BANK1: variants seen among roughly 807,000 people sequenced by gnomAD.
The protein encoded by BANK1 is B cell scaffold protein with ankyrin repeats 1.
BANK1 carries 95 observed loss-of-function variants against 94.5 expected under a neutral mutation model. That is an observed-to-expected ratio of 1.00 (90% confidence interval 0.85 to 1.19). The LOEUF (loss-of-function observed/expected upper bound fraction) is 1.19. BANK1 is among the 50% of genes most tolerant of loss of function. BANK1 has a pLI of 0.00. For missense variants in BANK1, 987 were observed against 932.2 expected (o/e 1.06, Z -0.77); for synonymous variants, 334 against 308.4 (o/e 1.08, Z -0.87).
In BANK1 at chr4:101,915,209, A is replaced by G. The variant is rs947699317; in HGVS notation, c.1010-2784A>G. Among the ~76,000 whole-genome samples, 6 of 152,200 alleles carry G rather than the reference A, an allele frequency of 3.9e-5. No individual in the cohort carries two copies. In the South Asian group the frequency reaches 1.2e-3, roughly 32 times the overall value. Reference sequence around the variant, plus strand: ...GAGTAGATGTTATGGTCACCAATTGAATATTGAGAAAAATAAGATGCATAA... The same window carrying G: ...GAGTAGATGTTATGGTCACCAATTGGATATTGAGAAAAATAAGATGCATAA... On this transcript the variant is annotated intron_variant, in intron 6 of 16. Coordinates refer to ENST00000322953, the MANE Select transcript of BANK1 (RefSeq NM_017935.5).
chr4:102,071,113 T>A (rs1000849462), intron 13 of BANK1, among the ~76,000 whole-genome samples, 162 bp from the exon 14 acceptor site: 2 of 152,142 alleles, frequency 1.3e-5, no homozygotes, highest in Non-Finnish European at 2.9e-5. Flanking sequence ...TCACAGTGGC[T>A]GGAGGTAGAG....
rs1192490589 is a variant in BANK1 at position 102,045,028 on chromosome 4, T to A, written c.1969+1121T>A. On this transcript the variant is annotated intron_variant, in intron 11 of 16. Transcript: ENST00000322953. The stretch of plus-strand genomic sequence containing the variant: ...GTTTCTTTTGCTGTGCAGAAGCTCT[T>A]TAGTTTAATTAGATCCCATTTGTCA... 2.6e-5 allele frequency among the ~76,000 whole-genome samples: 4 copies of A among 151,352 alleles called. No individual in the cohort carries two copies. In the South Asian group the frequency reaches 8.4e-4, roughly 32 times the overall value.
At chr4:101,874,229 A>G (rs1304982720) in intron 5 of BANK1, among the ~76,000 whole-genome samples, 1 of 152,142 alleles carries the variant, frequency 6.6e-6, no homozygotes, top group Non-Finnish European at 1.5e-5. Flanking sequence ...TATTTGATAC[A>G]ATGTAAAGCC....
intron 7 of BANK1, among the ~76,000 whole-genome samples, chr4:101,981,579 T>G (rs1259457078): frequency 6.6e-6 from 1 of 152,134 alleles, no homozygotes; most frequent in East Asian, 1.9e-4. Flanking sequence ...CAAATAGGAT[T>G]TGGATATACT....
At chr4:102,044,304 A>T (rs2148956564) in intron 11 of BANK1, among the ~76,000 whole-genome samples, 1 of 152,222 alleles carries the variant, frequency 6.6e-6, no homozygotes, top group East Asian at 1.9e-4. Flanking sequence ...TTCTTGCGAC[A>T]GTTTACTGAG....
intron 7 of BANK1, among the ~76,000 whole-genome samples, chr4:102,004,055 C>T (rs1726167320): frequency 6.6e-6 from 1 of 151,896 alleles, no homozygotes; most frequent in Non-Finnish European, 1.5e-5. Context: ...ACTGCCTATT[C>T]CTTTTTTTTT....
chr4:102,042,615 T>C (rs1284062184), intron 10 of BANK1, among the ~76,000 whole-genome samples: 1 of 151,894 alleles, frequency 6.6e-6, no homozygotes, highest in East Asian at 1.9e-4. Context: ...CTTATATTGG[T>C]TTAAATAATA....
chr4:101,869,353 TA>T (rs1440825308), intron 4 of BANK1, among the ~76,000 whole-genome samples: 1 of 151,966 alleles, frequency 6.6e-6, no homozygotes, highest in East Asian at 1.9e-4. Flanking sequence ...AGATGTGCTT[TA>T]AAACTTTCAT....
intron 7 of BANK1, among the ~76,000 whole-genome samples, chr4:101,986,899 G>GTGTGTGTGTGTGTA (rs1343197093): frequency 0.016 from 1,350 of 82,488 alleles, 74 homozygotes; most frequent in Non-Finnish European, 0.02. Flanking sequence ...GTGTGTGTGT[G>GTGTGTGTGTGTGTA]TATATATATA....
intron 11 of BANK1, among the ~76,000 whole-genome samples, chr4:102,046,630 C>T (rs991078351): frequency 2.6e-5 from 4 of 152,064 alleles, no homozygotes; most frequent in Non-Finnish European, 5.9e-5. Context: ...AGACTGCATC[C>T]TTTTTAACTG....
At chr4:101,846,126 G>A (rs752026083) in intron 2 of BANK1, among the ~76,000 whole-genome samples, 5 of 151,904 alleles carry the variant, frequency 3.3e-5, no homozygotes, top group Non-Finnish European at 7.4e-5. Context: ...TTTGGCACAC[G>A]TATGTTTATT....
chr4:102,024,907 T>C (rs1727026928), intron 8 of BANK1, among the ~76,000 whole-genome samples: 1 of 152,190 alleles, frequency 6.6e-6, no homozygotes, highest in African/African-American at 2.4e-5. Flanking sequence ...CTATCAAATA[T>C]ATGAATTTGT....
chr4:101,839,936 AATTTTTTTTTTTT>A (rs1726968478), intron 2 of BANK1, among the ~76,000 whole-genome samples: 2 of 78,978 alleles, frequency 2.5e-5, no homozygotes, highest in South Asian at 3.9e-4. Context: ...TCAAATATTT[AATTTTTTTTTTTT>A]TTTTTTTTTT....
intron 2 of BANK1, among the ~76,000 whole-genome samples, chr4:101,843,150 A>G (rs185828161): frequency 6.6e-6 from 1 of 152,350 alleles, no homozygotes; most frequent in East Asian, 1.9e-4. Context: ...AGAATTTCAA[A>G]CAAAAAACAG....
chr4:101,975,114 A>C (rs533605423), intron 7 of BANK1, among the ~76,000 whole-genome samples: 7 of 152,172 alleles, frequency 4.6e-5, no homozygotes, highest in African/African-American at 1.4e-4. Flanking sequence ...CAGAGATGTC[A>C]GTGGAAAAAT....
intron 7 of BANK1, among the ~76,000 whole-genome samples, chr4:101,957,491 A>G (rs1724387424): frequency 6.6e-6 from 1 of 152,224 alleles, no homozygotes; most frequent in African/African-American, 2.4e-5. Flanking sequence ...GTTCTCGTCT[A>G]TGAGTCCACA....
chr4:101,982,609 CT>C (rs1272445532), intron 7 of BANK1, among the ~76,000 whole-genome samples: 21 of 152,046 alleles, frequency 1.4e-4, no homozygotes, highest in African/African-American at 4.6e-4. Flanking sequence ...AAAGTACTTA[CT>C]ATAGTACTTA....
intron 1 of BANK1, among the ~76,000 whole-genome samples, chr4:101,792,157 C>T (rs184837231): frequency 1.1e-4 from 16 of 152,012 alleles, no homozygotes; most frequent in Admixed American, 2.0e-4. Context: ...TGATACTAAG[C>T]AATACTTTGA....
chr4:101,991,813 A>G (rs1725718868), intron 7 of BANK1, among the ~76,000 whole-genome samples: 1 of 152,220 alleles, frequency 6.6e-6, no homozygotes, highest in South Asian at 2.1e-4. Context: ...GTGTTTGTAC[A>G]CATACGTGTG....
Sources: gnomAD v4.1 joint callset for allele counts (sites outside exome capture counted in the v4.1 genomes callset) on GRCh38, gnomAD v4.1.1 for gene constraint, MANE v1.5 for transcripts, NCBI Gene and HGNC (gene_info 2026-07-23, HGNC 2026-07-21) for gene names.